Variants in LPCAT3 observed in about 807,000 individuals in gnomAD.
LPCAT3 encodes lysophosphatidylcholine acyltransferase 3, also known as lysophospholipid acyltransferase 5.
In LPCAT3, 21 loss-of-function variants were observed where a neutral mutation model predicts 63.4. The ratio of observed to expected loss-of-function variants is 0.33; its 90% confidence interval spans 0.23 to 0.48. The LOEUF is 0.48. Ranked by LOEUF, LPCAT3 falls within the 20% of genes least tolerant of loss-of-function variation. The probability of loss-of-function intolerance (pLI) is 0.99; values close to 1 mark genes in which losing one functional copy is unlikely to be tolerated. For synonymous variants in LPCAT3, 242 were observed against 227.5 expected (o/e 1.06, Z -0.58); for missense variants, 451 against 590.6 (o/e 0.76, Z 2.45).
In LPCAT3 at chr12:7,018,158, C is replaced by G. The variant is rs1299248193; in HGVS notation, c.151+116G>C. On this transcript the variant is annotated intron_variant, in intron 1 of 12. Transcript: ENST00000261407. The surrounding 1 kb of genome is among the most constrained non-coding windows in gnomAD (Gnocchi z 4.9). ...GTTGGTGTGCTTCAGGATTCACACC[C>G]GCACCCGGCACAGCCCTCCCGGGTG... is the stretch of plus-strand genomic sequence containing the variant. The G allele has an allele frequency of 7.2e-6, 9 of 1,249,674 alleles. No homozygotes were observed. In the South Asian group the frequency reaches 1.2e-4, roughly 17 times the overall value. 77.4% of individuals were successfully genotyped at this position (1,249,674 alleles called of 1,614,324 possible). A position where few individuals can be genotyped will look rare whatever the true frequency, so the allele number is the denominator to read the frequency against.
intron 1 of LPCAT3, among the ~76,000 whole-genome samples, chr12:7,009,352 C>T (rs782120133): frequency 9.9e-5 from 15 of 152,284 alleles, no homozygotes; most frequent in African/African-American, 2.9e-4. Context: ...TGAGCCACCG[C>T]GCCTGGCCAA....
intron 3 of LPCAT3, 135 bp from the exon 4 acceptor site, chr12:6,982,039 G>A (rs1555154170): frequency 3.2e-6 from 2 of 626,290 alleles, no homozygotes. Context: ...ACAAATGGAG[G>A]TGCTGAAAAC....
rs1489431141 is a variant in LPCAT3, at chr12:6,977,990, T to A, written c.1041-245A>T. 1 of 571,934 alleles carries A rather than the reference T, an allele frequency of 1.7e-6. No individual in the cohort carries two copies. Among genetic ancestry groups the A allele is most frequent in the Non-Finnish European group, 3.1e-6 (1 of 320,994 alleles). The allele number at this position is 571,934 out of a possible 1,614,324, so 35.4% of individuals were successfully genotyped here. A position where few individuals can be genotyped will look rare whatever the true frequency, so the allele number is the denominator to read the frequency against. ...CAGCAGCAGTGACTGAGGCTGATGC[T>A]GAGATCAGTGGTGAACCAGACACTC... On this transcript the variant is annotated intron_variant, in intron 9 of 12. Transcript: ENST00000261407. This position sits in a 1 kb window ranked among gnomAD's most constrained non-coding sequence, Gnocchi z 4.5.
intron 1 of LPCAT3, among the ~76,000 whole-genome samples, chr12:7,015,111 T>C (rs782669193): frequency 1.3e-5 from 2 of 152,296 alleles, no homozygotes; most frequent in Admixed American, 1.3e-4. Context: ...TCAAAAAGGT[T>C]TAAAAGCCAG....
At chr12:7,014,660 G>A (rs1946785712) in intron 1 of LPCAT3, among the ~76,000 whole-genome samples, 1 of 151,896 alleles carries the variant, frequency 6.6e-6, no homozygotes, top group African/African-American at 2.4e-5. Context: ...ACTTTGGGAG[G>A]CCGAGGCAGG....
At chr12:6,982,906 C>A in intron 2 of LPCAT3, 124 bp from the exon 3 acceptor site, 1 of 678,524 alleles carries the variant, frequency 1.5e-6, no homozygotes. Flanking sequence ...AGAATAACCT[C>A]ATGTTTTGGA....
chr12:7,013,897 G>A (rs16933038), intron 1 of LPCAT3, among the ~76,000 whole-genome samples: 3 of 152,148 alleles, frequency 2.0e-5, no homozygotes, highest in South Asian at 2.1e-4. Context: ...TATCACCTAC[G>A]TGAGTACTAA....
rs932514917 is a variant in LPCAT3 at position 7,017,705 on chromosome 12, G to A, written c.151+569C>T. 6.6e-6 allele frequency among the ~76,000 whole-genome samples: 1 copy of A among 152,156 alleles called. No homozygotes were observed. The highest frequency in any genetic ancestry group is 2.1e-4 in the South Asian group (1 of 4,836). ...AATGATATTCCAGGGTAAATGACAGGTAGGTGGCTTGGAAAATAAAAAAAG... is the reference window on the plus strand; with the variant it reads ...AATGATATTCCAGGGTAAATGACAGATAGGTGGCTTGGAAAATAAAAAAAG... On this transcript the variant is annotated intron_variant, in intron 1 of 12. Coordinates refer to ENST00000261407, the MANE Select transcript of LPCAT3 (RefSeq NM_005768.6). The surrounding 1 kb of genome is among the most constrained non-coding windows in gnomAD (Gnocchi z 4.1).
chr12:6,986,470 A>AG (rs1221045676), intron 1 of LPCAT3, among the ~76,000 whole-genome samples: 1 of 152,166 alleles, frequency 6.6e-6, no homozygotes. Context: ...TTCTATTAGT[A>AG]GTTAAGTTTT....
At chr12:7,001,187 T>C (rs1296566641) in intron 1 of LPCAT3, among the ~76,000 whole-genome samples, 1 of 151,222 alleles carries the variant, frequency 6.6e-6, no homozygotes, top group Non-Finnish European at 1.5e-5. Context: ...GGAAGAAGCA[T>C]ATTTGCCATG....
chr12:6,981,987 C>A, intron 3 of LPCAT3, 83 bp from the exon 4 acceptor site: 1 of 776,500 alleles, frequency 1.3e-6, no homozygotes, highest in Non-Finnish European at 2.3e-6. Flanking sequence ...TTTCCTTTTT[C>A]CTTTCTCCTC....
chr12:6,983,063 C>G (rs950478127), intron 2 of LPCAT3: 9 of 552,914 alleles, frequency 1.6e-5, no homozygotes, highest in Admixed American at 2.4e-5. Flanking sequence ...CTCACTGCAG[C>G]CTTGAATTCC....
chr12:6,993,354 A>T (rs1331846372), intron 1 of LPCAT3, among the ~76,000 whole-genome samples: 3 of 152,002 alleles, frequency 2.0e-5, no homozygotes, highest in African/African-American at 7.3e-5. Flanking sequence ...GAATTGCTTG[A>T]ACCCAGGAGG....
intron 1 of LPCAT3, among the ~76,000 whole-genome samples, chr12:7,009,507 GT>G (rs1316546999): frequency 6.6e-6 from 1 of 152,224 alleles, no homozygotes; most frequent in Non-Finnish European, 1.5e-5. Context: ...TATCCTCAGA[GT>G]TTCTCAATCA....
At position 7,018,289 on chromosome 12, in the gene LPCAT3, T is replaced by G; in HGVS notation, c.136A>C (p.Ile46Leu). 2 of 1,604,320 alleles carry G rather than the reference T, an allele frequency of 1.2e-6. No individual in the cohort carries two copies. The highest frequency in any genetic ancestry group is 1.7e-6 in the Non-Finnish European group (2 of 1,175,888). The change falls in exon 1 of 13, where the codon ATC becomes CTC. Residue 46 changes from isoleucine (I) to leucine (L), a missense_variant. Coordinates refer to ENST00000261407, the MANE Select transcript of LPCAT3 (RefSeq NM_005768.6). The surrounding 1 kb of genome is among the most constrained non-coding windows in gnomAD (Gnocchi z 4.9). ...GGGTCCTTACCCAGGAAGATGGAGA[T>G]GATCAGCCGCAGCGCCTGTTCTGAC... is the stretch of plus-strand genomic sequence containing the variant. ...GASEQALRLI[I>L]SIFLGYPFAL...
Position 6,987,649 on chromosome 12 carries a change from TA to T in LPCAT3, c.152-4111del, listed in dbSNP as rs1323057143. 2 of 394,640 alleles carry T rather than the reference TA, an allele frequency of 5.1e-6. No homozygotes were observed. Among genetic ancestry groups the T allele is most frequent in the Admixed American group, 8.8e-5 (2 of 22,642 alleles). The allele number at this position is 394,640 out of a possible 1,614,324, so 24.4% of individuals were successfully genotyped here. A position where few individuals can be genotyped will look rare whatever the true frequency, so the allele number is the denominator to read the frequency against. On this transcript the variant is annotated intron_variant, in intron 1 of 12. Transcript: ENST00000261407. The surrounding 1 kb of genome is among the most constrained non-coding windows in gnomAD (Gnocchi z 4.1). ...AGTAGATAATTATCTAGAGCACTCA[TA>T]AATAAGTTCTAGGTAGCTAAGTTTC...
chr12:6,986,247 CCTCCTTGCCTG>C (rs1437567423), intron 1 of LPCAT3, among the ~76,000 whole-genome samples: 40 of 152,200 alleles, frequency 2.6e-4, no homozygotes, highest in Non-Finnish European at 5.0e-4. Context: ...TCTTTCTCCT[CCTCCTTGCCTG>C]CTCAACCTGA....
intron 1 of LPCAT3, among the ~76,000 whole-genome samples, chr12:7,007,077 T>C (rs905660524): frequency 5.3e-5 from 8 of 152,078 alleles, no homozygotes; most frequent in African/African-American, 1.7e-4. Flanking sequence ...GAGTTTTTGC[T>C]CTTGTTGCCC....
At chr12:7,016,041 T>TA (rs1565607814) in intron 1 of LPCAT3, among the ~76,000 whole-genome samples, 5 of 152,202 alleles carry the variant, frequency 3.3e-5, no homozygotes, top group Admixed American at 2.6e-4. Flanking sequence ...CTACTTGTGT[T>TA]ACATTCTGAA....
Sources: gnomAD v4.1 joint callset for allele counts (sites outside exome capture counted in the v4.1 genomes callset) on GRCh38, gnomAD v4.1.1 for gene constraint, Gnocchi (gnomAD v3.1) non-coding constraint, MANE v1.5 for transcripts, NCBI Gene and HGNC (gene_info 2026-07-23, HGNC 2026-07-21) for gene names.